PRR12: variants seen among roughly 807,000 people sequenced by gnomAD.
The protein encoded by PRR12 is proline rich 12, also known as proline-rich protein 12.
PRR12 carries 12 observed loss-of-function variants against 138.0 expected under a neutral mutation model. The observed-to-expected ratio is 0.09, with a 90% CI of 0.06 to 0.14. The LOEUF (loss-of-function observed/expected upper bound fraction) is 0.14, where lower values mean the gene tolerates loss of function less well. Ranked by LOEUF, PRR12 falls within the 10% of genes least tolerant of loss-of-function variation. The probability of loss-of-function intolerance (pLI) is 1.00; values close to 1 mark genes in which losing one functional copy is unlikely to be tolerated. For synonymous variants in PRR12, 1,567 were observed against 1,291.7 expected (o/e 1.21, Z -4.57); for missense variants, 2,692 against 2,861.3 (o/e 0.94, Z 1.35).
In PRR12 at chr19:49,625,708, A is replaced by AG; in HGVS notation, c.*106dup. The AG allele has an allele frequency of 7.0e-7, 1 of 1,437,222 alleles. No individual in the cohort carries two copies. Among genetic ancestry groups the AG allele is most frequent in the Non-Finnish European group, 9.2e-7 (1 of 1,086,582 alleles). The allele number at this position is 1,437,222 out of a possible 1,614,324, so 89.0% of individuals were successfully genotyped here. A position where few individuals can be genotyped will look rare whatever the true frequency, so the allele number is the denominator to read the frequency against. ...ACACCTGGGCTCCATCGCCGGGGAA[A>AG]GGGGGTCATGGGTCAGGGTGTGTCT... On this transcript the variant is annotated 3_prime_UTR_variant, in exon 14 of 14. Transcript: ENST00000418929. This position sits in a 1 kb window ranked among gnomAD's most constrained non-coding sequence, Gnocchi z 5.5.
In PRR12 at chr19:49,592,900, G is replaced by A. The variant is rs569501407; in HGVS notation, c.87-427G>A. Among the ~76,000 whole-genome samples, 3 of 151,934 alleles carry A rather than the reference G, an allele frequency of 2.0e-5. No individual in the cohort carries two copies. In the South Asian group the frequency reaches 6.2e-4, roughly 32 times the overall value. ...GTTCAGGGCCTATGTGTTCCCGTGT[G>A]TCTACGGAAGAGGAGGCGTCCATGT... On this transcript the variant is annotated intron_variant, in intron 1 of 13. Coordinates refer to ENST00000418929, the MANE Select transcript of PRR12 (RefSeq NM_020719.3).
intron 11 of PRR12, 60 bp from the exon 12 acceptor site, chr19:49,624,784 G>T (rs1465099888): frequency 1.3e-6 from 2 of 1,576,436 alleles, no homozygotes; most frequent in East Asian, 2.2e-5. Context: ...AGACCTGGCT[G>T]TTGGGTTTGG....
rs1213916235 is a variant in PRR12 at position 49,601,304 on chromosome 19, G to A, written c.4346-187G>A. ...GAAGGGGATTAGGGATAGGAGACAG[G>A]TCTCCTTTGCAGCCGCAGGAGCCAG... is the stretch of plus-strand genomic sequence containing the variant. On this transcript the variant is annotated intron_variant, in intron 5 of 13. Coordinates refer to ENST00000418929, the MANE Select transcript of PRR12 (RefSeq NM_020719.3). 2.0e-5 allele frequency among the ~76,000 whole-genome samples: 3 copies of A among 151,574 alleles called. No individual in the cohort carries two copies. The East Asian group carries it at 5.8e-4, about 29-fold the overall frequency.
At position 49,623,455 on chromosome 19, in the gene PRR12, C is replaced by T. The variant is rs558626964; in HGVS notation, c.5722-1389C>T. The stretch of plus-strand genomic sequence containing the variant: ...CCCATCCTGGCTAACATGGTGAAAC[C>T]CCGTCTCTACTAAAAATACACAAAA... On this transcript the variant is annotated intron_variant, in intron 11 of 13. Transcript: ENST00000418929. Among the ~76,000 whole-genome samples, 8 of 151,968 alleles carry T rather than the reference C, an allele frequency of 5.3e-5. No individual in the cohort carries two copies. The South Asian group carries it at 1.7e-3, about 32-fold the overall frequency.
chr19:49,594,646 G>T lies in PRR12; in HGVS notation c.361+31G>T. ...CCCAGCGCCGGCCCTGCAGGGCCAG[G>T]GTGGGACTGGCTCGCTGTTCTCTCT... On this transcript the variant is annotated intron_variant, in intron 3 of 13. Coordinates refer to ENST00000418929, the MANE Select transcript of PRR12 (RefSeq NM_020719.3). The surrounding 1 kb of genome is among the most constrained non-coding windows in gnomAD (Gnocchi z 5.6). 6.2e-7 allele frequency: 1 copy of T among 1,611,112 alleles called. No individual in the cohort carries two copies. Among genetic ancestry groups the T allele is most frequent in the Non-Finnish European group, 8.5e-7 (1 of 1,179,440 alleles).
At chr19:49,593,757 C>T (rs1175312427) in intron 2 of PRR12, among the ~76,000 whole-genome samples, 2 of 152,180 alleles carry the variant, frequency 1.3e-5, no homozygotes, top group African/African-American at 2.4e-5. Flanking sequence ...CTGGGTTTGC[C>T]CTATTCTTTT....
At chr19:49,613,785 C>A (rs988187911) in intron 6 of PRR12, among the ~76,000 whole-genome samples, 1 of 152,086 alleles carries the variant, frequency 6.6e-6, no homozygotes, top group African/African-American at 2.4e-5. Context: ...GTTGCTATAC[C>A]AGAATACCAT....
chr19:49,592,077 TC>T (rs923787885), intron 1 of PRR12, among the ~76,000 whole-genome samples: 3 of 147,666 alleles, frequency 2.0e-5, no homozygotes, highest in Non-Finnish European at 3.0e-5. Context: ...TGGTGACCCC[TC>T]CCCCCCGCGC....
At position 49,597,452 on chromosome 19, in the gene PRR12, ACCACCCCCG is replaced by A; in HGVS notation, c.3120_3128del (p.Pro1047_Pro1049del). The A allele has an allele frequency of 6.5e-7, 1 of 1,538,914 alleles. No individual in the cohort carries two copies. Among genetic ancestry groups the A allele is most frequent in the East Asian group, 2.5e-5 (1 of 40,720 alleles). ...AGAGTGGCCCCCACCAGGCGGCGCCACCACCCCCGCCTCCGCCACCGCCGCCTCCCGCGC... is the reference window on the plus strand; with the variant it reads ...AGAGTGGCCCCCACCAGGCGGCGCCACCTCCGCCACCGCCGCCTCCCGCGC... On this transcript the variant is annotated inframe_deletion, in exon 4 of 14. Transcript: ENST00000418929. The surrounding 1 kb of genome is among the most constrained non-coding windows in gnomAD (Gnocchi z 6.3).
rs755485942 is a variant in PRR12, at chr19:49,597,302, C to T, written c.2967C>T (p.Pro989=). The change falls in exon 4 of 14, where the codon CCC becomes CCT. Residue 989 remains proline (P), a synonymous_variant. Coordinates refer to ENST00000418929, the MANE Select transcript of PRR12 (RefSeq NM_020719.3). This position sits in a 1 kb window ranked among gnomAD's most constrained non-coding sequence, Gnocchi z 6.3. ...GPPPGPPAYD[P]YGPYCPGRAS... Reference sequence around the variant, plus strand: ...CCCCCGGCCCCCCTGCTTATGATCCCTATGGGCCCTACTGTCCTGGCCGGG... The same window carrying T: ...CCCCCGGCCCCCCTGCTTATGATCCTTATGGGCCCTACTGTCCTGGCCGGG... 2 of 1,558,986 alleles carry T rather than the reference C, an allele frequency of 1.3e-6. No homozygotes were observed. Among genetic ancestry groups the T allele is most frequent in the South Asian group, 1.2e-5 (1 of 85,070 alleles).
rs1207480031 is a variant in PRR12 at position 49,591,280 on chromosome 19, C to T, written c.-375C>T. Among the ~76,000 whole-genome samples the T allele has an allele frequency of 1.1e-4, 17 of 151,010 alleles. No individual in the cohort carries two copies. Among genetic ancestry groups the T allele is most frequent in the Admixed American group, 3.3e-4 (5 of 15,202 alleles). ...CGGCGAGAGAGCGAGCACCCAGCGC[C>T]TGCACCCACCCCGGGGCCGCCCGGG... On this transcript the variant is annotated 5_prime_UTR_variant, in exon 1 of 14. Transcript: ENST00000418929.
chr19:49,593,743 C>T (rs528363350), intron 2 of PRR12, among the ~76,000 whole-genome samples: 3 of 152,318 alleles, frequency 2.0e-5, no homozygotes, highest in Admixed American at 6.5e-5. Context: ...CCAATTCTTT[C>T]CCTCTGGGTT....
In PRR12 at chr19:49,625,743, C is replaced by T. The variant is rs2080951743; in HGVS notation, c.*136C>T. 1 of 1,198,348 alleles carries T rather than the reference C, an allele frequency of 8.3e-7. No individual in the cohort carries two copies. Among genetic ancestry groups the T allele is most frequent in the Non-Finnish European group, 1.1e-6 (1 of 907,064 alleles). The allele number at this position is 1,198,348 out of a possible 1,614,324, so 74.2% of individuals were successfully genotyped here. ...GGGTCAGGGTGTGTCTGTGCTGCCC[C>T]CTCCAGGGCAGGGTTCAAAGTCCGA... On this transcript the variant is annotated 3_prime_UTR_variant, in exon 14 of 14. Coordinates refer to ENST00000418929, the MANE Select transcript of PRR12 (RefSeq NM_020719.3). This position sits in a 1 kb window ranked among gnomAD's most constrained non-coding sequence, Gnocchi z 5.5.
chr19:49,620,841 A>T (rs1481398548), intron 10 of PRR12, among the ~76,000 whole-genome samples: 1 of 112,910 alleles, frequency 8.9e-6, no homozygotes, highest in Non-Finnish European at 1.8e-5. Flanking sequence ...TTGAGGGAGG[A>T]GGCGCTGGGG....
intron 11 of PRR12, among the ~76,000 whole-genome samples, chr19:49,622,079 T>G (rs2080926248): frequency 6.6e-6 from 1 of 152,178 alleles, no homozygotes; most frequent in African/African-American, 2.4e-5. Flanking sequence ...GGATTCTGGT[T>G]GGGATGTTAG....
At chr19:49,593,035 C>T (rs1432531892) in intron 1 of PRR12, among the ~76,000 whole-genome samples, 1 of 152,116 alleles carries the variant, frequency 6.6e-6, no homozygotes, top group Non-Finnish European at 1.5e-5. Context: ...GCTTGCTCTG[C>T]CTTGGACCCT....
At position 49,615,968 on chromosome 19, in the gene PRR12, G is replaced by A. The variant is rs779862910; in HGVS notation, c.5246G>A (p.Arg1749His). 12 of 1,552,924 alleles carry A rather than the reference G, an allele frequency of 7.7e-6. No homozygotes were observed. In the South Asian group the frequency reaches 9.5e-5, roughly 12 times the overall value. The change falls in exon 9 of 14, where the codon CGT becomes CAT. Residue 1749 changes from arginine to histidine, a missense_variant. Transcript: ENST00000418929. ...EKEKEKEKVTRGERPLRGERA... is the reference protein window; with the variant it reads ...EKEKEKEKVTHGERPLRGERA... ...GAAAAGGAGAAGGAGAAGGTGACACGTGGAGAGCGGCCATTGCGGGGTGAG... is the reference window on the plus strand; with the variant it reads ...GAAAAGGAGAAGGAGAAGGTGACACATGGAGAGCGGCCATTGCGGGGTGAG...
intron 2 of PRR12, among the ~76,000 whole-genome samples, chr19:49,593,927 G>T (rs573585408): frequency 6.6e-6 from 1 of 152,058 alleles, no homozygotes; most frequent in African/African-American, 2.4e-5. Context: ...TCTTCCTAGG[G>T]GTACTGGTAA....
rs1182732029 is a variant in PRR12 at position 49,614,483 on chromosome 19, C to T, written c.4774-50C>T. 2 of 1,380,836 alleles carry T rather than the reference C, an allele frequency of 1.4e-6. No individual in the cohort carries two copies. The highest frequency in any genetic ancestry group is 4.9e-5 in the Admixed American group (2 of 40,840). The allele number at this position is 1,380,836 out of a possible 1,614,324, so 85.5% of individuals were successfully genotyped here. On this transcript the variant is annotated intron_variant, in intron 6 of 13. Transcript: ENST00000418929. The surrounding 1 kb of genome is among the most constrained non-coding windows in gnomAD (Gnocchi z 5.0). ...GGGCCAGGGCGTAGGGGCAGTAGGT[C>T]TAGGAATGAGGGCTGACCCTGCTGG...
Sources: allele counts gnomAD v4.1 joint callset (sites outside exome capture counted in the v4.1 genomes callset), GRCh38; gene constraint gnomAD v4.1.1; non-coding constraint Gnocchi (gnomAD v3.1); transcripts MANE v1.5; gene names NCBI Gene and HGNC (gene_info 2026-07-23, HGNC 2026-07-21).